The following ZBTB46 variants were observed in gnomAD, a reference collection of about 807,000 sequenced individuals.
The protein encoded by ZBTB46 is zinc finger and BTB domain containing 46.
In ZBTB46, 8 loss-of-function variants were observed where a neutral mutation model predicts 44.1. The ratio of observed to expected loss-of-function variants is 0.18; its 90% CI spans 0.11 to 0.33. ZBTB46 has a LOEUF of 0.33. ZBTB46 is among the 10% of genes least tolerant of loss of function. The probability of loss-of-function intolerance (pLI) is 1.00; values close to 1 mark genes in which losing one functional copy is unlikely to be tolerated. For synonymous variants in ZBTB46, 409 were observed against 382.3 expected, an observed-to-expected ratio of 1.07 and a Z score of -0.81; for missense variants, 651 against 847.7, an observed-to-expected ratio of 0.77 and a Z score of 2.88.
chr20:63,750,900 TCAAAAAAAAAA>T (rs2092154221), intron 4 of ZBTB46, among the ~76,000 whole-genome samples: 2 of 149,694 alleles, frequency 1.3e-5, no homozygotes, highest in South Asian at 4.2e-4. Context: ...AAACCCTGTC[TCAAAAAAAAAA>T]CAAAAAAACA....
At chr20:63,818,976 C>T (rs915478883) in intron 1 of ZBTB46, among the ~76,000 whole-genome samples, 6 of 150,982 alleles carry the variant, frequency 4.0e-5, no homozygotes, top group African/African-American at 1.2e-4. Flanking sequence ...AGTTCAAGAC[C>T]GCCTGACCAA....
At chr20:63,815,169 A>G (rs1215288186) in intron 1 of ZBTB46, 1 of 237,236 alleles carries the variant, frequency 4.2e-6, no homozygotes, top group Non-Finnish European at 8.6e-6. Context: ...CTGAAGGCAC[A>G]GGTGCAGTGG....
Position 63,746,696 on chromosome 20 carries a change from C to G in ZBTB46, c.*234G>C, listed in dbSNP as rs2092092529. On this transcript the variant is annotated 3_prime_UTR_variant, in exon 5 of 5. Transcript: ENST00000245663. ...GGACCGTGCTCTCCCTTCACTCAAA[C>G]CCACCCTGTGCCCTCCCCCAACTCA... The G allele has an allele frequency of 3.3e-6, 2 of 597,738 alleles. No individual in the cohort carries two copies. Among genetic ancestry groups the G allele is most frequent in the Non-Finnish European group, 5.3e-6 (2 of 376,390 alleles). 37.0% of individuals were successfully genotyped at this position (597,738 alleles called of 1,614,324 possible).
intron 3 of ZBTB46, among the ~76,000 whole-genome samples, chr20:63,774,370 TAAAGAAAC>T (rs1030151967): frequency 3.3e-5 from 5 of 152,230 alleles, no homozygotes; most frequent in African/African-American, 9.6e-5. Flanking sequence ...TAGAGCAGCG[TAAAGAAAC>T]AGAGAAACAG....
At chr20:63,747,938 A>G (rs994929591) in intron 4 of ZBTB46, among the ~76,000 whole-genome samples, 8 of 152,164 alleles carry the variant, frequency 5.3e-5, no homozygotes, top group Non-Finnish European at 1.0e-4. Context: ...AGGGCCCCGC[A>G]TTGGACTGGA....
At chr20:63,801,897 T>G (rs1182837107) in intron 1 of ZBTB46, among the ~76,000 whole-genome samples, 1 of 152,192 alleles carries the variant, frequency 6.6e-6, no homozygotes, top group Non-Finnish European at 1.5e-5. Context: ...ATTATGCTCG[T>G]TAAACAAGTG....
chr20:63,808,976 CAAA>C (rs1157399042), intron 1 of ZBTB46, among the ~76,000 whole-genome samples: 926 of 75,084 alleles, frequency 0.012, 1 homozygote, highest in Non-Finnish European at 0.02. Context: ...GACTCCGCTT[CAAA>C]AAAAAAAAAA....
Position 63,790,395 on chromosome 20 carries a change from G to C in ZBTB46, c.363C>G (p.Cys121Trp). The C allele has an allele frequency of 6.2e-7, 1 of 1,612,962 alleles. No individual in the cohort carries two copies. The highest frequency in any genetic ancestry group is 8.5e-7 in the Non-Finnish European group (1 of 1,179,946). ...CCAGCGCCGCCTTGATGAAGTCGTG[G>C]CAGGCTTGCACGATGTCCGTCATCT... The part of the protein sequence containing the change: ...FLQMTDIVQA[C>W]HDFIKAALDI... The change falls in exon 2 of 5, where the codon TGC becomes TGG. Residue 121 changes from cysteine (C) to tryptophan (W), a missense_variant. Coordinates refer to ENST00000245663, the MANE Select transcript of ZBTB46 (RefSeq NM_001369741.1).
chr20:63,779,666 C>A (rs1224718284), intron 2 of ZBTB46, among the ~76,000 whole-genome samples: 1 of 151,826 alleles, frequency 6.6e-6, no homozygotes, highest in Non-Finnish European at 1.5e-5. Flanking sequence ...GTGATTCGCC[C>A]CCCTCAGCCT....
intron 1 of ZBTB46, among the ~76,000 whole-genome samples, chr20:63,829,245 C>T (rs186798303): frequency 7.2e-5 from 11 of 152,284 alleles, no homozygotes; most frequent in Admixed American, 1.3e-4. Context: ...CCCGAACATC[C>T]GAAACAGGAG....
At chr20:63,832,453 C>T (rs1054992543), upstream of ZBTB46, among the ~76,000 whole-genome samples, 2 of 152,190 alleles carry the variant, frequency 1.3e-5, no homozygotes, top group South Asian at 2.1e-4. This position sits in a 1 kb window ranked among gnomAD's most constrained non-coding sequence, Gnocchi z 5.0. Context: ...CAGCGGATTC[C>T]TCGGGAGGTG....
Position 63,746,671 on chromosome 20 carries a change from G to C in ZBTB46, c.*259C>G, listed in dbSNP as rs1480692031. On this transcript the variant is annotated 3_prime_UTR_variant, in exon 5 of 5. Coordinates refer to ENST00000245663, the MANE Select transcript of ZBTB46 (RefSeq NM_001369741.1). ...ACCCGCACCACCTGCTGGGGACTTAGGACCGTGCTCTCCCTTCACTCAAAC... is the reference window on the plus strand; with the variant it reads ...ACCCGCACCACCTGCTGGGGACTTACGACCGTGCTCTCCCTTCACTCAAAC... The C allele has an allele frequency of 1.0e-5, 5 of 489,682 alleles. No homozygotes were observed. The highest frequency in any genetic ancestry group is 1.0e-5 in the Non-Finnish European group (3 of 288,218). 30.3% of individuals were successfully genotyped at this position (489,682 alleles called of 1,614,324 possible). A position where few individuals can be genotyped will look rare whatever the true frequency, so the allele number is the denominator to read the frequency against.
intron 3 of ZBTB46, among the ~76,000 whole-genome samples, chr20:63,757,870 G>GCTCACACTCCCTCCACCC (rs2092235641): frequency 4.1e-5 from 1 of 24,504 alleles, no homozygotes; most frequent in Non-Finnish European, 7.7e-5. Flanking sequence ...TGCCCATCCA[G>GCTCACACTCCCTCCACCC]GGCTCACACT....
chr20:63,785,073 A>G (rs1358731570), intron 2 of ZBTB46, among the ~76,000 whole-genome samples: 1 of 151,686 alleles, frequency 6.6e-6, no homozygotes, highest in East Asian at 1.9e-4. Flanking sequence ...CTCTACTAAA[A>G]ATACAAAAAT....
chr20:63,768,832 G>T (rs1420114505), intron 3 of ZBTB46, among the ~76,000 whole-genome samples: 1 of 152,142 alleles, frequency 6.6e-6, no homozygotes, highest in African/African-American at 2.4e-5. Flanking sequence ...CCGAGTCGGG[G>T]GTTGGCCAGA....
At chr20:63,773,805 C>A (rs1033931032) in intron 3 of ZBTB46, among the ~76,000 whole-genome samples, 1 of 152,204 alleles carries the variant, frequency 6.6e-6, no homozygotes, top group Non-Finnish European at 1.5e-5. Flanking sequence ...ACGTGCCCAG[C>A]GCTCCATCTG....
At chr20:63,793,511 G>C (rs1182657272) in intron 1 of ZBTB46, among the ~76,000 whole-genome samples, 2 of 152,188 alleles carry the variant, frequency 1.3e-5, no homozygotes, top group Non-Finnish European at 1.5e-5. Flanking sequence ...ACCGTCAAAA[G>C]CTCCAGGCAC....
rs151292322 is a variant in ZBTB46 at position 63,767,951 on chromosome 20, G to A, written c.1222+7727C>T. 43 of 985,366 alleles carry A rather than the reference G, an allele frequency of 4.4e-5. No homozygotes were observed. In the East Asian group the frequency reaches 3.2e-3, roughly 73 times the overall value. The allele number at this position is 985,366 out of a possible 1,614,324, so 61.0% of individuals were successfully genotyped here. A position where few individuals can be genotyped will look rare whatever the true frequency, so the allele number is the denominator to read the frequency against. On this transcript the variant is annotated intron_variant, in intron 3 of 4. Transcript: ENST00000245663. This position sits in a 1 kb window ranked among gnomAD's most constrained non-coding sequence, Gnocchi z 5.0. ...GCCAACTCTGGAAGAGGACTGCTCCGCCCAGCTCTCCACGCCATGAGAGGT... is the reference window on the plus strand; with the variant it reads ...GCCAACTCTGGAAGAGGACTGCTCCACCCAGCTCTCCACGCCATGAGAGGT...
intron 3 of ZBTB46, among the ~76,000 whole-genome samples, chr20:63,770,360 AGGCCCGC>A (rs375945265): frequency 2.1e-5 from 3 of 143,832 alleles, no homozygotes; most frequent in South Asian, 2.3e-4. Flanking sequence ...AACAGAGAGG[AGGCCCGC>A]CTACTGCTGA....
Sources: gnomAD v4.1 joint callset for allele counts (sites outside exome capture counted in the v4.1 genomes callset) on GRCh38, gnomAD v4.1.1 for gene constraint, Gnocchi (gnomAD v3.1) non-coding constraint, MANE v1.5 for transcripts, NCBI Gene and HGNC (gene_info 2026-07-23, HGNC 2026-07-21) for gene names.